The following SSBP2 variants were observed in gnomAD, a reference collection of about 807,000 sequenced individuals.
SSBP2 encodes the protein single stranded DNA binding protein 2.
In SSBP2, 17 loss-of-function variants were observed where a neutral mutation model predicts 61.8. The observed-to-expected ratio is 0.28, with a 90% CI of 0.19 to 0.41. The LOEUF (loss-of-function observed/expected upper bound fraction) is 0.41. Ranked by LOEUF, SSBP2 falls within the 10% of genes least tolerant of loss-of-function variation. The pLI is 1.00. For missense variants in SSBP2, 310 were observed against 458.7 expected (o/e 0.68, Z 2.96); for synonymous variants, 139 against 141.3 (o/e 0.98, Z 0.12).
intron 4 of SSBP2, among the ~76,000 whole-genome samples, chr5:81,570,739 C>T (rs186440234): frequency 4.6e-5 from 7 of 152,278 alleles, no homozygotes; most frequent in East Asian, 1.9e-4. Flanking sequence ...TAAAGCAGCT[C>T]AGTGTAGAAT....
intron 4 of SSBP2, among the ~76,000 whole-genome samples, chr5:81,565,597 C>G (rs1237656783): frequency 6.6e-6 from 1 of 152,150 alleles, no homozygotes; most frequent in African/African-American, 2.4e-5. Flanking sequence ...ACACGGTATA[C>G]ATACTTCCAT....
intron 4 of SSBP2, among the ~76,000 whole-genome samples, chr5:81,571,965 C>A (rs1355010479): frequency 6.6e-6 from 1 of 152,082 alleles, no homozygotes; most frequent in Non-Finnish European, 1.5e-5. Flanking sequence ...ACTCTTCTAC[C>A]TCAGTGAAAC....
intron 4 of SSBP2, among the ~76,000 whole-genome samples, chr5:81,542,853 CCTTT>C (rs1771403137): frequency 6.8e-6 from 1 of 146,790 alleles, no homozygotes; most frequent in East Asian, 2.0e-4. Context: ...CTCTCTCTCT[CCTTT>C]CTTTCTTCTT....
intron 4 of SSBP2, among the ~76,000 whole-genome samples, chr5:81,531,065 A>G (rs1770357257): frequency 6.6e-6 from 1 of 151,522 alleles, no homozygotes; most frequent in South Asian, 2.1e-4. Context: ...CCAAAACCAA[A>G]ACCAAACCAA....
chr5:81,594,742 A>C (rs1373500259), intron 4 of SSBP2, among the ~76,000 whole-genome samples: 1 of 152,150 alleles, frequency 6.6e-6, no homozygotes, highest in Admixed American at 6.5e-5. Flanking sequence ...CTGAATGACT[A>C]CTGGGTACAT....
At chr5:81,706,322 G>T (rs2153905261) in intron 1 of SSBP2, among the ~76,000 whole-genome samples, 1 of 152,180 alleles carries the variant, frequency 6.6e-6, no homozygotes, top group South Asian at 2.1e-4. Flanking sequence ...GAGGCACTGG[G>T]GTCTTCTAGA....
At chr5:81,520,328 T>C (rs1037949040) in intron 4 of SSBP2, among the ~76,000 whole-genome samples, 4 of 152,116 alleles carry the variant, frequency 2.6e-5, no homozygotes, top group African/African-American at 9.7e-5. Context: ...AACTACAAAT[T>C]TGGCTCTGAA....
rs540600646 is a variant in SSBP2, at chr5:81,496,097, T to C, written c.373-6788A>G. ...AAAACGCACAATTATACAGGACTTA[T>C]GTAATTTAAAGTAACTTTGGACTTT... On this transcript the variant is annotated intron_variant, in intron 5 of 16. Transcript: ENST00000320672. Among the ~76,000 whole-genome samples, 53 of 152,324 alleles carry C rather than the reference T, an allele frequency of 3.5e-4. 2 individuals are homozygous for C. Among genetic ancestry groups the C allele is most frequent in the South Asian group, 3.1e-3 (15 of 4,832 alleles).
intron 3 of SSBP2, among the ~76,000 whole-genome samples, chr5:81,633,530 A>ATC (rs1190121233): frequency 8.2e-4 from 125 of 151,658 alleles, no homozygotes; most frequent in African/African-American, 2.8e-3. Flanking sequence ...CCATTCAACC[A>ATC]TCTCTCTCTC....
chr5:81,535,601 C>T (rs749086055), intron 4 of SSBP2, among the ~76,000 whole-genome samples: 1 of 151,914 alleles, frequency 6.6e-6, no homozygotes, highest in Non-Finnish European at 1.5e-5. Flanking sequence ...GAAATAGACC[C>T]ATATAAATAT....
chr5:81,662,630 C>T (rs1301313574), intron 1 of SSBP2, among the ~76,000 whole-genome samples: 5 of 151,788 alleles, frequency 3.3e-5, no homozygotes. Context: ...GGTGAAACCC[C>T]GTCTCTACTA....
intron 4 of SSBP2, among the ~76,000 whole-genome samples, chr5:81,535,857 A>G (rs1483512118): frequency 1.3e-5 from 2 of 152,068 alleles, no homozygotes; most frequent in African/African-American, 4.8e-5. Flanking sequence ...AAGATACAAT[A>G]CCAAAGGCAT....
intron 4 of SSBP2, among the ~76,000 whole-genome samples, chr5:81,598,978 G>A (rs1744068662): frequency 6.6e-6 from 1 of 152,130 alleles, no homozygotes; most frequent in African/African-American, 2.4e-5. Flanking sequence ...ATCTGACTCT[G>A]CCTTTATTCT....
At chr5:81,453,678 G>T (rs1017987151) in intron 10 of SSBP2, among the ~76,000 whole-genome samples, 2 of 151,898 alleles carry the variant, frequency 1.3e-5, no homozygotes, top group African/African-American at 4.8e-5. Context: ...GGATGGTCTC[G>T]ATCTCCTGAC....
At chr5:81,483,218 CAG>C (rs1238103689) in intron 6 of SSBP2, among the ~76,000 whole-genome samples, 1 of 152,030 alleles carries the variant, frequency 6.6e-6, no homozygotes, top group Non-Finnish European at 1.5e-5. Flanking sequence ...AAACGTGACA[CAG>C]AGACACAAAG....
intron 9 of SSBP2, 46 bp downstream of exon 9, chr5:81,466,925 TAAA>T: frequency 8.7e-7 from 1 of 1,155,982 alleles, no homozygotes; most frequent in Non-Finnish European, 1.2e-6. Flanking sequence ...TTTATATATA[TAAA>T]ATATCATCCA....
At chr5:81,421,226 C>G (rs953601863) in intron 16 of SSBP2, among the ~76,000 whole-genome samples, 2 of 152,208 alleles carry the variant, frequency 1.3e-5, no homozygotes, top group African/African-American at 4.8e-5. Flanking sequence ...GGGTCTCACT[C>G]TGTCACTCAG....
At chr5:81,716,233 AGTT>A (rs1755164179) in intron 1 of SSBP2, among the ~76,000 whole-genome samples, 2 of 152,276 alleles carry the variant, frequency 1.3e-5, no homozygotes, top group South Asian at 4.1e-4. Context: ...AAATAGTTGA[AGTT>A]GTTTGTCTAC....
chr5:81,696,328 G>A (rs1753597232), intron 1 of SSBP2, among the ~76,000 whole-genome samples: 1 of 152,076 alleles, frequency 6.6e-6, no homozygotes, highest in African/African-American at 2.4e-5. Flanking sequence ...TTAACTCCCA[G>A]GATCCTGTAT....
Sources: gnomAD v4.1 joint callset for allele counts (sites outside exome capture counted in the v4.1 genomes callset) on GRCh38, gnomAD v4.1.1 for gene constraint, MANE v1.5 for transcripts, NCBI Gene and HGNC (gene_info 2026-07-23, HGNC 2026-07-21) for gene names.